PCLO: variants seen among roughly 807,000 people sequenced by gnomAD.
PCLO encodes piccolo presynaptic cytomatrix protein.
Under a neutral mutation model 427.5 loss-of-function variants are expected in PCLO, and 82 were observed. The observed-to-expected ratio is 0.19, with a 90% confidence interval of 0.16 to 0.23. The LOEUF (loss-of-function observed/expected upper bound fraction) is 0.23. Among genes scored for constraint, PCLO ranks in the 10% least tolerant of loss-of-function variants. The pLI is 1.00. For missense variants in PCLO, 6,239 were observed against 6,115.9 expected (o/e 1.02, Z -0.67); for synonymous variants, 2,357 against 2,155.4 (o/e 1.09, Z -2.59).
At chr7:82,806,531 A>AT (rs2129468849) in intron 20 of PCLO, among the ~76,000 whole-genome samples, 1 of 152,206 alleles carries the variant, frequency 6.6e-6, no homozygotes, top group African/African-American at 2.4e-5. Context: ...CAGTAGGGGT[A>AT]TAGTACTAAT....
rs1049532070 is a variant in PCLO at position 82,804,812 on chromosome 7, G to A, written c.14933+876C>T. On this transcript the variant is annotated intron_variant, in intron 21 of 24. Coordinates refer to ENST00000333891, the MANE Select transcript of PCLO (RefSeq NM_033026.6). ...TTCTTTTGTTTTTTCCTACACTTTCGAAAATGGAAATGCCATTTTTAGCTC... is the reference window on the plus strand; with the variant it reads ...TTCTTTTGTTTTTTCCTACACTTTCAAAAATGGAAATGCCATTTTTAGCTC... Among the ~76,000 whole-genome samples the A allele has an allele frequency of 7.2e-5, 11 of 152,112 alleles. 1 individual carries two copies. Among genetic ancestry groups the A allele is most frequent in the Admixed American group, 7.2e-4 (11 of 15,280 alleles).
intron 4 of PCLO, among the ~76,000 whole-genome samples, chr7:82,961,908 CA>C (rs1396213175): frequency 1.3e-5 from 2 of 151,612 alleles, no homozygotes; most frequent in Middle Eastern, 3.4e-3. Flanking sequence ...AAAAATTCTG[CA>C]AAAAAAATCA....
intron 21 of PCLO, among the ~76,000 whole-genome samples, chr7:82,804,082 T>C (rs535358460): frequency 2.0e-5 from 3 of 152,280 alleles, no homozygotes; most frequent in Admixed American, 6.5e-5. Context: ...TAACAAATTA[T>C]GTGTGGTTTA....
chr7:82,949,630 G>A lies in PCLO; in HGVS notation c.10958C>T (p.Pro3653Leu). Residue 3653 changes from proline (P) to leucine (L), a missense_variant, in exon 6 of 25, where the codon CCA becomes CTA. Physicochemically the swap from Pro to Leu is moderately conservative, Grantham distance 98. Around this residue, in one of 5 missense-constraint regions of PCLO, gnomAD observed 4,677 missense variants for 4,468.4 expected, o/e 1.05. Coordinates refer to ENST00000333891, the MANE Select transcript of PCLO (RefSeq NM_033026.6). Reference sequence around the variant, plus strand: ...CATATCTGGATGCAGTACTTTCTGTGGACTTATATCATCAGGGAGGGGTTT... The same window carrying A: ...CATATCTGGATGCAGTACTTTCTGTAGACTTATATCATCAGGGAGGGGTTT... ...YEKPLPDDIS[P>L]QKVLHPDMAK... 5 of 1,613,848 alleles carry A rather than the reference G, an allele frequency of 3.1e-6. No homozygotes were observed. Among genetic ancestry groups the A allele is most frequent in the Non-Finnish European group, 4.2e-6 (5 of 1,179,846 alleles).
chr7:82,805,245 A>G (rs187314197), intron 21 of PCLO, among the ~76,000 whole-genome samples: 58 of 152,322 alleles, frequency 3.8e-4, no homozygotes, highest in Admixed American at 8.5e-4. Context: ...AAAAGTCTGT[A>G]TGATTATTCA....
intron 13 of PCLO, among the ~76,000 whole-genome samples, chr7:82,843,018 A>G (rs977817773): frequency 1.1e-4 from 17 of 152,144 alleles, no homozygotes; most frequent in African/African-American, 4.1e-4. Context: ...AATTAAAAAT[A>G]GAGCTACCAT....
At chr7:82,888,390 G>T (rs183770250) in intron 9 of PCLO, among the ~76,000 whole-genome samples, 1 of 152,248 alleles carries the variant, frequency 6.6e-6, no homozygotes, top group Admixed American at 6.5e-5. Context: ...TTGGAGAAAT[G>T]TTAAGTGACT....
intron 3 of PCLO, among the ~76,000 whole-genome samples, chr7:83,129,078 T>A (rs756765227): frequency 1.6e-4 from 25 of 152,318 alleles, no homozygotes; most frequent in Middle Eastern, 3.4e-3. Flanking sequence ...TATTATCTAG[T>A]ACCTTAGGTT....
At chr7:82,826,763 C>T (rs1791956180) in intron 17 of PCLO, 103 bp from the exon 18 acceptor site, 1 of 567,452 alleles carries the variant, frequency 1.8e-6, no homozygotes, top group Admixed American at 3.2e-5. Context: ...AAACTCCTTC[C>T]ATTTATGTGA....
At chr7:82,911,026 A>C (rs1195760044) in intron 7 of PCLO, among the ~76,000 whole-genome samples, 3 of 152,116 alleles carry the variant, frequency 2.0e-5, no homozygotes, top group Non-Finnish European at 4.4e-5. Flanking sequence ...ATTTCATTTG[A>C]ATATATAACT....
At chr7:82,892,743 C>T (rs1235617872) in intron 9 of PCLO, among the ~76,000 whole-genome samples, 1 of 151,844 alleles carries the variant, frequency 6.6e-6, no homozygotes, top group East Asian at 1.9e-4. Context: ...AAAAAACAAC[C>T]CCATCAACAA....
Position 83,069,797 on chromosome 7 carries a change from G to A in PCLO, c.3300+64453C>T, listed in dbSNP as rs192974105. On this transcript the variant is annotated intron_variant, in intron 3 of 24. Transcript: ENST00000333891. ...TCCACCTCCCCCACCCCACCCCCCCGCCCACACACACACACACACACACAC... is the reference window on the plus strand; with the variant it reads ...TCCACCTCCCCCACCCCACCCCCCCACCCACACACACACACACACACACAC... Among the ~76,000 whole-genome samples, 21 of 29,372 alleles carry A rather than the reference G, an allele frequency of 7.1e-4. No homozygotes were observed. The East Asian group carries it at 0.015, about 22-fold the overall frequency. 19.3% of individuals were successfully genotyped at this position (29,372 alleles called of 152,430 possible).
intron 3 of PCLO, among the ~76,000 whole-genome samples, chr7:82,988,031 A>T (rs1377377196): frequency 6.6e-6 from 1 of 152,156 alleles, no homozygotes; most frequent in Non-Finnish European, 1.5e-5. Flanking sequence ...AAAATGAATG[A>T]GTATGGATAT....
At chr7:83,124,934 T>C (rs890658670) in intron 3 of PCLO, among the ~76,000 whole-genome samples, 2 of 152,168 alleles carry the variant, frequency 1.3e-5, no homozygotes, top group Non-Finnish European at 2.9e-5. Flanking sequence ...TTTGCATTTT[T>C]TGGTGGAGAC....
At chr7:83,134,127 A>G (rs926172013) in intron 3 of PCLO, 123 bp downstream of exon 3, 8 of 308,274 alleles carry the variant, frequency 2.6e-5, no homozygotes, top group Admixed American at 1.0e-4. Context: ...AAGATTATCA[A>G]TTTATTTTCT....
chr7:83,038,031 T>TTATATA (rs1788857000), intron 3 of PCLO, among the ~76,000 whole-genome samples: 1 of 17,276 alleles, frequency 5.8e-5, no homozygotes, highest in Non-Finnish European at 9.0e-5. Context: ...ATATATATAT[T>TTATATA]TATATATTTA....
Position 82,950,039 on chromosome 7 carries a change from C to T in PCLO, c.10549G>A (p.Ala3517Thr). Reference sequence around the variant, plus strand: ...GATATCTCTGCTACCGTTTGAACTGCTATGCTGGAGACTTTGGAAAGGGGT... The same window carrying T: ...GATATCTCTGCTACCGTTTGAACTGTTATGCTGGAGACTTTGGAAAGGGGT... Reference protein sequence around the residue: ...TKPLSKVSSIAVQTVAEISVQ... With the variant: ...TKPLSKVSSITVQTVAEISVQ... Residue 3517 changes from alanine (A) to threonine (T), a missense_variant, in exon 6 of 25, where the codon GCA (alanine) becomes ACA (threonine). This residue lies in a region of PCLO where 4,677 missense variants were observed against 4,468.4 expected (regional missense o/e 1.05). Transcript: ENST00000333891. 1 of 1,612,814 alleles carries T rather than the reference C, an allele frequency of 6.2e-7. No individual in the cohort carries two copies.
chr7:83,039,292 C>A (rs1181625763), intron 3 of PCLO, among the ~76,000 whole-genome samples: 1 of 151,954 alleles, frequency 6.6e-6, no homozygotes, highest in African/African-American at 2.4e-5. Context: ...ATTGCTAAAT[C>A]CTACTTTATG....
Position 82,952,987 on chromosome 7 carries a change from G to A in PCLO, c.7966C>T (p.Pro2656Ser), listed in dbSNP as rs1795398029. The A allele has an allele frequency of 6.2e-7, 1 of 1,613,760 alleles. No individual in the cohort carries two copies. The highest frequency in any genetic ancestry group is 1.7e-5 in the Admixed American group (1 of 59,990). The change falls in exon 5 of 25, where the codon CCC becomes TCC. Residue 2656 changes from proline (P) to serine (S), a missense_variant. Around this residue, in one of 5 missense-constraint regions of PCLO, gnomAD observed 4,677 missense variants for 4,468.4 expected, o/e 1.05. Transcript: ENST00000333891. The part of the protein sequence containing the change: ...QTFSATPVTA[P>S]SSFQAAPTSV... ...GTGGGAGCTGCTTGAAATGAAGAGGGTGCTGTGACAGGGGTAGCAGAAAAT... is the reference window on the plus strand; with the variant it reads ...GTGGGAGCTGCTTGAAATGAAGAGGATGCTGTGACAGGGGTAGCAGAAAAT...
Sources: allele counts gnomAD v4.1 joint callset (sites outside exome capture counted in the v4.1 genomes callset), GRCh38; gene constraint gnomAD v4.1.1; regional missense constraint gnomAD v4.1.1; transcripts MANE v1.5; gene names NCBI Gene and HGNC (gene_info 2026-07-23, HGNC 2026-07-21).